Variants in SMAD5 observed in about 807,000 individuals in gnomAD.
SMAD5 encodes SMAD family member 5, also known as MAD, mothers against decapentaplegic homolog 5.
A neutral mutation model predicts 43.1 loss-of-function variants in SMAD5; 9 were observed. The ratio of observed to expected loss-of-function variants is 0.21; its 90% CI spans 0.13 to 0.36. The LOEUF (loss-of-function observed/expected upper bound fraction) is 0.36, where lower values mean the gene tolerates loss of function less well. SMAD5 is among the 10% of genes least tolerant of loss of function. The pLI, the probability that SMAD5 is intolerant of heterozygous loss-of-function variation, is 1.00. For synonymous variants in SMAD5, 190 were observed against 192.4 expected, an observed-to-expected ratio of 0.99 and a Z score of 0.10; for missense variants, 348 against 574.0, an observed-to-expected ratio of 0.61 and a Z score of 4.02.
At chr5:136,139,647 A>G (rs1260861424) in intron 1 of SMAD5, among the ~76,000 whole-genome samples, 1 of 152,030 alleles carries the variant, frequency 6.6e-6, no homozygotes, top group Non-Finnish European at 1.5e-5. Context: ...CGCTGCTTTT[A>G]TCATTGCTGT....
Position 136,177,592 on chromosome 5 carries a change from T to C in SMAD5, c.*112T>C. The C allele has an allele frequency of 1.3e-6, 1 of 771,714 alleles. No homozygotes were observed. Among genetic ancestry groups the C allele is most frequent in the Non-Finnish European group, 2.0e-6 (1 of 490,004 alleles). The allele number at this position is 771,714 out of a possible 1,614,324, so 47.8% of individuals were successfully genotyped here. A position where few individuals can be genotyped will look rare whatever the true frequency, so the allele number is the denominator to read the frequency against. ...TGAAAACAGATATTACAGCTTATTT[T>C]TTTCTACATAATTGTGACCAATACA... On this transcript the variant is annotated 3_prime_UTR_variant, in exon 8 of 8. Coordinates refer to ENST00000545279, the MANE Select transcript of SMAD5 (RefSeq NM_005903.7).
rs1753805583 is a variant in SMAD5, at chr5:136,160,991, CCAA to C, written c.545_547del (p.Asn182del). On this transcript the variant is annotated inframe_deletion, in exon 4 of 8. Transcript: ENST00000545279. ...ACGTTTCCAGATTCTTTCCACCAGC[CCAA>C]CAACACTCCTTTTCCCTTATCTCCA... 1 of 1,613,934 alleles carries C rather than the reference CCAA, an allele frequency of 6.2e-7. No individual in the cohort carries two copies. Among genetic ancestry groups the C allele is most frequent in the Non-Finnish European group, 8.5e-7 (1 of 1,179,878 alleles).
At position 136,179,026 on chromosome 5, in the gene SMAD5, C is replaced by T. The variant is rs1754526080; in HGVS notation, c.*1546C>T. On this transcript the variant is annotated 3_prime_UTR_variant, in exon 8 of 8. Coordinates refer to ENST00000545279, the MANE Select transcript of SMAD5 (RefSeq NM_005903.7). Reference sequence around the variant, plus strand: ...CGAGATCGCACCACTGCACTCCAGCCTGGGCGACAGAGCGAGACTCTGCCT... The same window carrying T: ...CGAGATCGCACCACTGCACTCCAGCTTGGGCGACAGAGCGAGACTCTGCCT... 1 of 152,472 alleles carries T rather than the reference C, an allele frequency of 6.6e-6. No individual in the cohort carries two copies. Among genetic ancestry groups the T allele is most frequent in the Non-Finnish European group, 1.5e-5 (1 of 68,248 alleles). 9.4% of individuals were successfully genotyped at this position (152,472 alleles called of 1,614,324 possible). A position where few individuals can be genotyped will look rare whatever the true frequency, so the allele number is the denominator to read the frequency against.
intron 1 of SMAD5, chr5:136,133,336 C>G (rs1377357087): frequency 6.6e-6 from 1 of 152,578 alleles, no homozygotes; most frequent in Admixed American, 6.5e-5. Context: ...GGATGTACCA[C>G]CCTGGATACA....
intron 1 of SMAD5, among the ~76,000 whole-genome samples, chr5:136,137,387 A>G (rs1752924848): frequency 6.6e-6 from 1 of 151,112 alleles, no homozygotes; most frequent in South Asian, 2.1e-4. Context: ...TTTGATATCC[A>G]TATATGTTGT....
At chr5:136,145,763 G>C (rs1038365120) in intron 1 of SMAD5, among the ~76,000 whole-genome samples, 2 of 151,954 alleles carry the variant, frequency 1.3e-5, no homozygotes, top group Admixed American at 1.3e-4. Context: ...TAGTATTCAC[G>C]ATACAAAATA....
intron 1 of SMAD5, among the ~76,000 whole-genome samples, chr5:136,146,437 T>C (rs1016100111): frequency 4.6e-5 from 7 of 151,776 alleles, no homozygotes; most frequent in Non-Finnish European, 8.9e-5. Flanking sequence ...TGTTTCTAAA[T>C]TCGTTTTATT....
intron 7 of SMAD5, among the ~76,000 whole-genome samples, chr5:136,176,539 A>AT (rs938775503): frequency 6.9e-6 from 1 of 145,436 alleles, no homozygotes; most frequent in African/African-American, 2.5e-5. Flanking sequence ...TTTGATTTTG[A>AT]TTTTTTATAT....
At chr5:136,177,166 G>T (rs1754449157) in intron 7 of SMAD5, among the ~76,000 whole-genome samples, 171 bp from the exon 8 acceptor site, 1 of 152,062 alleles carries the variant, frequency 6.6e-6, no homozygotes, top group Non-Finnish European at 1.5e-5. Context: ...TGTAGCTGTT[G>T]TCTTTTAATT....
intron 1 of SMAD5, among the ~76,000 whole-genome samples, chr5:136,138,172 A>T (rs1166116857): frequency 6.6e-6 from 1 of 152,140 alleles, no homozygotes; most frequent in Non-Finnish European, 1.5e-5. Flanking sequence ...GTGAAGCTTA[A>T]AGAGTGATTA....
chr5:136,143,869 A>G (rs1386335770), intron 1 of SMAD5, among the ~76,000 whole-genome samples: 2 of 151,844 alleles, frequency 1.3e-5, no homozygotes, highest in African/African-American at 2.4e-5. Context: ...CTTGTCTGTT[A>G]CTGGCCATTT....
intron 5 of SMAD5, among the ~76,000 whole-genome samples, chr5:136,171,878 A>G (rs114165118): frequency 1.5e-3 from 229 of 152,310 alleles, no homozygotes; most frequent in African/African-American, 5.3e-3. Context: ...CCTAAAATTC[A>G]TATGTTGAAG....
intron 2 of SMAD5, among the ~76,000 whole-genome samples, chr5:136,153,052 C>T (rs1200654803): frequency 6.6e-6 from 1 of 152,104 alleles, no homozygotes; most frequent in Non-Finnish European, 1.5e-5. Flanking sequence ...TTTGGTACAT[C>T]TTATACAACC....
intron 3 of SMAD5, among the ~76,000 whole-genome samples, chr5:136,155,394 A>G (rs1355659220): frequency 6.6e-6 from 1 of 152,168 alleles, no homozygotes; most frequent in Non-Finnish European, 1.5e-5. Flanking sequence ...TGACATCACT[A>G]CTTTAGTACA....
Position 136,153,612 on chromosome 5 carries a change from G to A in SMAD5, c.-149G>A. The stretch of plus-strand genomic sequence containing the variant: ...TTCAGGACTTGACCCAATGAAAGAA[G>A]CATATGGCACTTGTGAAGATAAATG... On this transcript the variant is annotated 5_prime_UTR_variant, in exon 3 of 8. Transcript: ENST00000545279. The A allele has an allele frequency of 1.6e-6, 1 of 622,152 alleles. No individual in the cohort carries two copies. The highest frequency in any genetic ancestry group is 2.8e-6 in the Non-Finnish European group (1 of 357,388). 38.5% of individuals were successfully genotyped at this position (622,152 alleles called of 1,614,324 possible).
chr5:136,163,170 C>G, intron 4 of SMAD5, 102 bp from the exon 5 acceptor site: 1 of 950,092 alleles, frequency 1.1e-6, no homozygotes, highest in South Asian at 2.0e-5. Context: ...GTGTGATGTT[C>G]AGTAATGAAG....
At chr5:136,137,270 A>G (rs866376105) in intron 1 of SMAD5, among the ~76,000 whole-genome samples, 2 of 125,218 alleles carry the variant, frequency 1.6e-5, no homozygotes, top group African/African-American at 3.1e-5. Context: ...ATTTTTTGGG[A>G]CCCCCCCCCG....
chr5:136,163,323 A>G lies in SMAD5; in HGVS notation c.707A>G (p.Asp236Gly), dbSNP rs1255684620. Reference sequence around the variant, plus strand: ...CCACCTGATGATCAGATGGGTCAAGATAATTCCCAGCCTATGGATACAAGC... The same window carrying G: ...CCACCTGATGATCAGATGGGTCAAGGTAATTCCCAGCCTATGGATACAAGC... ...YMPPDDQMGQ[D>G]NSQPMDTSNN... The change falls in exon 5 of 8, where the codon GAT becomes GGT. Residue 236 changes from aspartate (D) to glycine (G), a missense_variant. Asp to Gly is a moderately conservative substitution (Grantham distance 94). Transcript: ENST00000545279. 5.6e-6 allele frequency: 9 copies of G among 1,611,544 alleles called. No individual in the cohort carries two copies. The highest frequency in any genetic ancestry group is 7.6e-6 in the Non-Finnish European group (9 of 1,178,168).
intron 6 of SMAD5, among the ~76,000 whole-genome samples, chr5:136,173,423 A>G (rs1239254342): frequency 1.3e-5 from 2 of 152,172 alleles, no homozygotes; most frequent in African/African-American, 4.8e-5. Context: ...ATAAAAGGTA[A>G]ATAAATATAA....
Sources: allele counts gnomAD v4.1 joint callset (sites outside exome capture counted in the v4.1 genomes callset), GRCh38; gene constraint gnomAD v4.1.1; transcripts MANE v1.5; gene names NCBI Gene and HGNC (gene_info 2026-07-23, HGNC 2026-07-21).